The following CERS3 variants were observed in gnomAD, a reference collection of about 807,000 sequenced individuals.
The protein encoded by CERS3 is ceramide synthase 3.
In CERS3, 33 loss-of-function variants were observed where a neutral mutation model predicts 50.3. The observed-to-expected ratio is 0.66, with a 90% CI of 0.50 to 0.88. The LOEUF is 0.88. Ranked by LOEUF, CERS3 falls within the 40% of genes least tolerant of loss-of-function variation. The probability of loss-of-function intolerance (pLI) is 0.00; values close to 1 mark genes in which losing one functional copy is unlikely to be tolerated. For missense variants in CERS3, 470 were observed against 460.3 expected, an observed-to-expected ratio of 1.02 and a Z score of -0.19; for synonymous variants, 176 against 155.2, an observed-to-expected ratio of 1.13 and a Z score of -0.99.
At chr15:100,475,431 GAGAAT>G (rs1392110183) in intron 8 of CERS3, among the ~76,000 whole-genome samples, 1 of 152,178 alleles carries the variant, frequency 6.6e-6, no homozygotes, top group Admixed American at 6.6e-5. Context: ...TATATGCCAA[GAGAAT>G]TTATCATTTG....
At chr15:100,457,370 A>G (rs1159536466) in intron 10 of CERS3, among the ~76,000 whole-genome samples, 1 of 152,214 alleles carries the variant, frequency 6.6e-6, no homozygotes, top group Non-Finnish European at 1.5e-5. Flanking sequence ...AAACTTGGCA[A>G]ACACTTTGCT....
In CERS3 at chr15:100,501,789, T is replaced by C; in HGVS notation, c.61A>G (p.Lys21Glu). 6.2e-7 allele frequency: 1 copy of C among 1,614,132 alleles called. No homozygotes were observed. Among genetic ancestry groups the C allele is most frequent in the Non-Finnish European group, 8.5e-7 (1 of 1,179,974 alleles). The change falls in exon 3 of 12, where the codon AAG becomes GAG. Residue 21 changes from lysine to glutamate, a missense_variant. Transcript: ENST00000679737. ...TCGTGATCCTCAAGATCTGACCACT[T>C]TATTGTTGGAGGAAGCCAGAATCTT... The part of the protein sequence containing the change: ...LERFWLPPTI[K>E]WSDLEDHDGL...
intron 3 of CERS3, among the ~76,000 whole-genome samples, chr15:100,494,299 G>A (rs1162845174): frequency 1.4e-5 from 2 of 145,032 alleles, no homozygotes; most frequent in South Asian, 2.2e-4. Flanking sequence ...CCAGGCTGGA[G>A]TGCAGTGGCA....
At chr15:100,482,343 G>A (rs548758890) in intron 5 of CERS3, among the ~76,000 whole-genome samples, 2 of 152,314 alleles carry the variant, frequency 1.3e-5, no homozygotes, top group East Asian at 3.9e-4. Flanking sequence ...GGTGCAGCCA[G>A]GGAGGAATGG....
At chr15:100,448,646 G>A (rs1189203157) in intron 11 of CERS3, among the ~76,000 whole-genome samples, 1 of 152,054 alleles carries the variant, frequency 6.6e-6, no homozygotes, top group Non-Finnish European at 1.5e-5. Context: ...AGCCTGTGCT[G>A]AAGCACAACA....
intron 1 of CERS3, among the ~76,000 whole-genome samples, chr15:100,526,355 C>T (rs1269931876): frequency 6.6e-6 from 1 of 152,216 alleles, no homozygotes; most frequent in African/African-American, 2.4e-5. Flanking sequence ...ACGATACACT[C>T]CGTGCTCTGT....
At chr15:100,490,509 T>A (rs775405388) in intron 4 of CERS3, among the ~76,000 whole-genome samples, 1 of 152,216 alleles carries the variant, frequency 6.6e-6, no homozygotes, top group African/African-American at 2.4e-5. Context: ...ATACTTTGTA[T>A]ATATTTGACC....
chr15:100,508,548 T>C (rs1444093630), intron 2 of CERS3, among the ~76,000 whole-genome samples: 1 of 152,220 alleles, frequency 6.6e-6, no homozygotes, highest in Admixed American at 6.5e-5. Flanking sequence ...GTCACTGCTG[T>C]GAAAAATTCT....
intron 2 of CERS3, among the ~76,000 whole-genome samples, chr15:100,505,544 A>G (rs1332842388): frequency 1.3e-5 from 2 of 152,360 alleles, no homozygotes; most frequent in East Asian, 3.9e-4. Context: ...GCCACCAAAC[A>G]TCAATTATTG....
rs77122018 is a variant in CERS3 at position 100,503,608 on chromosome 15, A to G, written c.-1-1758T>C. 5.9e-3 allele frequency: 2,595 copies of G among 442,976 alleles called. 67 individuals carry two copies. Among genetic ancestry groups the G allele is most frequent in the African/African-American group, 0.048 (2,364 of 49,580 alleles). The allele number at this position is 442,976 out of a possible 1,614,324, so 27.4% of individuals were successfully genotyped here. ...GTCTTTGTGCTGATTAGAGGAAGGT[A>G]TTCTCTCTAGGCAGACACAGCTCTA... On this transcript the variant is annotated intron_variant, in intron 2 of 11. Coordinates refer to ENST00000679737, the MANE Select transcript of CERS3 (RefSeq NM_001378789.1).
intron 1 of CERS3, among the ~76,000 whole-genome samples, chr15:100,541,868 T>C (rs567918283): frequency 6.6e-6 from 1 of 152,320 alleles, no homozygotes; most frequent in Non-Finnish European, 1.5e-5. Context: ...ACAGTAAGTA[T>C]GGTAAAAATA....
intron 11 of CERS3, among the ~76,000 whole-genome samples, chr15:100,449,121 G>C (rs1487943080): frequency 6.6e-6 from 1 of 152,178 alleles, no homozygotes; most frequent in Non-Finnish European, 1.5e-5. Flanking sequence ...TACTGCCCAA[G>C]TATACCATTG....
At chr15:100,468,422 A>T (rs78556895) in intron 10 of CERS3, among the ~76,000 whole-genome samples, 8,545 of 152,234 alleles carry the variant, frequency 0.056, 637 homozygotes, top group African/African-American at 0.16. Context: ...GAAAATGCCG[A>T]ATACACATGG....
rs193110694 is a variant in CERS3, at chr15:100,432,755, A to G, written c.999+23138T>C. Among the ~76,000 whole-genome samples the G allele has an allele frequency of 4.6e-4, 70 of 152,230 alleles. 1 individual carries two copies. In the East Asian group the frequency reaches 0.011, roughly 24 times the overall value. On this transcript the variant is annotated intron_variant, in intron 11 of 11. Coordinates refer to ENST00000679737, the MANE Select transcript of CERS3 (RefSeq NM_001378789.1). The stretch of plus-strand genomic sequence containing the variant: ...TTGTATGTATTTAGCCTGCAGAAAC[A>G]GAGTCACGTACGTTCGAAAGAATTG...
chr15:100,469,605 G>C, intron 9 of CERS3, 121 bp from the exon 10 acceptor site: 1 of 678,698 alleles, frequency 1.5e-6, no homozygotes, highest in South Asian at 1.9e-5. Context: ...TGGAAAGTAG[G>C]GGGTACAGGT....
chr15:100,519,161 A>G (rs74579768), intron 2 of CERS3, among the ~76,000 whole-genome samples: 1 of 149,698 alleles, frequency 6.7e-6, no homozygotes, highest in Non-Finnish European at 1.5e-5. Context: ...TCCATCTCAA[A>G]AAAAAAAAAA....
chr15:100,452,185 C>T (rs983586313), intron 11 of CERS3, among the ~76,000 whole-genome samples: 1 of 151,782 alleles, frequency 6.6e-6, no homozygotes, highest in African/African-American at 2.4e-5. Flanking sequence ...TTCTTCTCAT[C>T]AGCACATGGG....
chr15:100,485,737 T>C (rs984076108), intron 4 of CERS3, among the ~76,000 whole-genome samples: 1 of 151,972 alleles, frequency 6.6e-6, no homozygotes, highest in Non-Finnish European at 1.5e-5. Flanking sequence ...GGTGGTGGGC[T>C]CCTGTGATCC....
chr15:100,497,306 A>ATGTGTGTGTGTGTG (rs139734142), intron 3 of CERS3, among the ~76,000 whole-genome samples: 8 of 145,864 alleles, frequency 5.5e-5, no homozygotes, highest in Non-Finnish European at 1.1e-4. Context: ...GCATATATGT[A>ATGTGTGTGTGTGTG]TGTGTGTGTG....
Sources: gnomAD v4.1 joint callset for allele counts (sites outside exome capture counted in the v4.1 genomes callset) on GRCh38, gnomAD v4.1.1 for gene constraint, MANE v1.5 for transcripts, NCBI Gene and HGNC (gene_info 2026-07-23, HGNC 2026-07-21) for gene names.